ASAP2: variants seen among roughly 807,000 people sequenced by gnomAD.
ASAP2 encodes the protein ArfGAP with SH3 domain, ankyrin repeat and PH domain 2, also known as arf-GAP with SH3 domain, ANK repeat and PH domain-containing protein 2.
ASAP2 carries 45 observed loss-of-function variants against 131.4 expected under a neutral mutation model. The ratio of observed to expected loss-of-function variants is 0.34; its 90% CI spans 0.27 to 0.44. The LOEUF (loss-of-function observed/expected upper bound fraction) is 0.44, where lower values mean the gene tolerates loss of function less well. Among genes scored for constraint, ASAP2 ranks in the 20% least tolerant of loss-of-function variants. The pLI is 1.00. For missense variants in ASAP2, 1,011 were observed against 1,297.0 expected (o/e 0.78, Z 3.39); for synonymous variants, 510 against 503.0 (o/e 1.01, Z -0.19).
At position 9,241,910 on chromosome 2, in the gene ASAP2, A is replaced by G. The variant is rs934678974; in HGVS notation, c.126+34680A>G. Among the ~76,000 whole-genome samples, 3 of 152,292 alleles carry G rather than the reference A, an allele frequency of 2.0e-5. No individual in the cohort carries two copies. The East Asian group carries it at 5.8e-4, about 29-fold the overall frequency. The stretch of plus-strand genomic sequence containing the variant: ...CATGGTTGCACATGTTAGGGTCCCA[A>G]TAAGTTTAGGGGAGCATGTTAGACA... On this transcript the variant is annotated intron_variant, in intron 1 of 27. Transcript: ENST00000281419.
At chr2:9,353,329 C>T (rs557023957) in intron 12 of ASAP2, among the ~76,000 whole-genome samples, 1 of 152,158 alleles carries the variant, frequency 6.6e-6, no homozygotes, top group African/African-American at 2.4e-5. Context: ...CTTTGGGAGG[C>T]CAAGGTGGGA....
intron 2 of ASAP2, among the ~76,000 whole-genome samples, chr2:9,290,477 T>G (rs1667745387): frequency 6.6e-6 from 1 of 152,332 alleles, no homozygotes; most frequent in East Asian, 1.9e-4. Flanking sequence ...CCCAAAGTGC[T>G]GGGATTACAG....
chr2:9,344,799 C>T lies in ASAP2; in HGVS notation c.1022C>T (p.Thr341Ile), dbSNP rs764850926. The change falls in exon 11 of 28, where the codon ACC becomes ATC. Residue 341 changes from threonine (T) to isoleucine (I), a missense_variant and splice_region_variant. Coordinates refer to ENST00000281419, the MANE Select transcript of ASAP2 (RefSeq NM_003887.3). ...KNGFLTISHG[T>I]ANRPPAKLNL... ...GGTTTTCTGACCATATCCCATGGTA[C>T]CGTAAGTATTCTCTTTTAATCCATG... is the stretch of plus-strand genomic sequence containing the variant. 1 of 1,611,754 alleles carries T rather than the reference C, an allele frequency of 6.2e-7. No individual in the cohort carries two copies. Among genetic ancestry groups the T allele is most frequent in the Non-Finnish European group, 8.5e-7 (1 of 1,178,166 alleles).
At chr2:9,239,142 A>G (rs1024034943) in intron 1 of ASAP2, among the ~76,000 whole-genome samples, 8 of 152,122 alleles carry the variant, frequency 5.3e-5, no homozygotes, top group Non-Finnish European at 1.2e-4. Context: ...ATTTCATCAG[A>G]TGCTTTTTCC....
At chr2:9,377,538 G>C (rs1040646541) in intron 18 of ASAP2, among the ~76,000 whole-genome samples, 1 of 152,166 alleles carries the variant, frequency 6.6e-6, no homozygotes, top group Non-Finnish European at 1.5e-5. Flanking sequence ...GAGTCCCCGT[G>C]GTTTGGGGCA....
chr2:9,256,179 A>G (rs1558271125), intron 1 of ASAP2, among the ~76,000 whole-genome samples: 2 of 145,086 alleles, frequency 1.4e-5, no homozygotes, highest in African/African-American at 2.5e-5. Context: ...AAAAAAAAAA[A>G]AAGAAAGCAA....
chr2:9,336,794 G>A (rs2148571826), intron 9 of ASAP2, among the ~76,000 whole-genome samples: 1 of 152,354 alleles, frequency 6.6e-6, no homozygotes, highest in East Asian at 1.9e-4. Context: ...GGAGGAGGTA[G>A]TGCGAGGGCA....
At chr2:9,373,529 T>A (rs1674149096) in intron 16 of ASAP2, among the ~76,000 whole-genome samples, 1 of 152,198 alleles carries the variant, frequency 6.6e-6, no homozygotes, top group South Asian at 2.1e-4. Context: ...ACTCCCTGCC[T>A]CCAGTGGCAT....
chr2:9,344,840 G>A (rs1671854119), intron 11 of ASAP2, 40 bp downstream of exon 11: 1 of 1,570,886 alleles, frequency 6.4e-7, no homozygotes, highest in Non-Finnish European at 8.8e-7. Context: ...TGCTGTATTA[G>A]GTGAGGTTGG....
rs890196691 is a variant in ASAP2, at chr2:9,216,446, C to G, written c.126+9216C>G. Among the ~76,000 whole-genome samples the G allele has an allele frequency of 3.4e-5, 5 of 147,350 alleles. 1 individual carries two copies. Among genetic ancestry groups the G allele is most frequent in the Admixed American group, 2.7e-4 (4 of 14,676 alleles). ...GGACTACAGGTGTGCCCCACCATGC[C>G]TGTTTAATTTTTTTTTTTTTTTTTT... On this transcript the variant is annotated intron_variant, in intron 1 of 27. Coordinates refer to ENST00000281419, the MANE Select transcript of ASAP2 (RefSeq NM_003887.3).
At chr2:9,360,907 C>T (rs1351983770) in intron 15 of ASAP2, among the ~76,000 whole-genome samples, 7 of 152,094 alleles carry the variant, frequency 4.6e-5, no homozygotes, top group Admixed American at 6.6e-5. Context: ...GGTAGGAGCC[C>T]GACCCCACCA....
rs182692217 is a variant in ASAP2, at chr2:9,399,997, A to C, written c.2685-26A>C. ...GGGCAGGTGCCCTCCGGTAGCAGTA[A>C]ATCTACTTTTTCCCTGTCTTTGTAG... On this transcript the variant is annotated intron_variant, in intron 24 of 27. Coordinates refer to ENST00000281419, the MANE Select transcript of ASAP2 (RefSeq NM_003887.3). 5.5e-4 allele frequency: 882 copies of C among 1,611,976 alleles called. 5 individuals carry two copies. In the African/African-American group the frequency reaches 0.011, roughly 20 times the overall value.
intron 9 of ASAP2, among the ~76,000 whole-genome samples, chr2:9,337,482 C>G (rs1671285253): frequency 6.6e-6 from 1 of 152,170 alleles, no homozygotes; most frequent in South Asian, 2.1e-4. Context: ...TCTTCTGTGA[C>G]TTAGACAACT....
At chr2:9,231,915 A>G (rs552222719) in intron 1 of ASAP2, among the ~76,000 whole-genome samples, 1 of 151,964 alleles carries the variant, frequency 6.6e-6, no homozygotes, top group Non-Finnish European at 1.5e-5. Flanking sequence ...AGTGGCAACC[A>G]TAAGTCTGCC....
intron 11 of ASAP2, among the ~76,000 whole-genome samples, chr2:9,348,110 T>TTTTGTTTG (rs529354755): frequency 1.7e-4 from 7 of 41,624 alleles, no homozygotes; most frequent in Admixed American, 3.6e-4. Context: ...GATGACACTT[T>TTTTGTTTG]TTTGTCTGTT....
intron 2 of ASAP2, among the ~76,000 whole-genome samples, chr2:9,280,587 A>G (rs1268963136): frequency 6.6e-6 from 1 of 152,188 alleles, no homozygotes; most frequent in Non-Finnish European, 1.5e-5. Flanking sequence ...AAAATGAAAG[A>G]AGACCTAAAT....
intron 2 of ASAP2, among the ~76,000 whole-genome samples, chr2:9,295,008 C>T (rs542725001): frequency 1.3e-5 from 2 of 152,140 alleles, no homozygotes; most frequent in Non-Finnish European, 2.9e-5. Flanking sequence ...ATGTCTTGAC[C>T]GCTAATTTTG....
chr2:9,301,820 CTTT>C (rs1177064910), intron 3 of ASAP2, among the ~76,000 whole-genome samples: 6 of 115,402 alleles, frequency 5.2e-5, no homozygotes, highest in African/African-American at 1.1e-4. Context: ...TATCCATCAT[CTTT>C]TTTTTTTTTT....
intron 15 of ASAP2, among the ~76,000 whole-genome samples, chr2:9,359,466 A>G (rs534891642): frequency 3.0e-4 from 45 of 152,360 alleles, no homozygotes; most frequent in African/African-American, 1.0e-3. Context: ...TTTCAAGAGT[A>G]TCGAGACTGT....
Sources: allele counts gnomAD v4.1 joint callset (sites outside exome capture counted in the v4.1 genomes callset), GRCh38; gene constraint gnomAD v4.1.1; transcripts MANE v1.5; gene names NCBI Gene and HGNC (gene_info 2026-07-23, HGNC 2026-07-21).